The following SNRPA variants were observed in gnomAD, a reference collection of about 807,000 sequenced individuals.
SNRPA encodes the protein U1 small nuclear ribonucleoprotein A.
A neutral mutation model predicts 24.5 loss-of-function variants in SNRPA; 10 were observed. The observed-to-expected ratio is 0.41, with a 90% CI of 0.25 to 0.69. The LOEUF (loss-of-function observed/expected upper bound fraction) is 0.69, where lower values mean the gene tolerates loss of function less well. SNRPA is among the 30% of genes least tolerant of loss of function. SNRPA has a pLI of 0.33. For missense variants in SNRPA, 283 were observed against 394.7 expected (o/e 0.72, Z 2.40); for synonymous variants, 165 against 148.4 (o/e 1.11, Z -0.81).
At chr19:40,760,328 G>A (rs2082926269) in intron 3 of SNRPA, among the ~76,000 whole-genome samples, 1 of 152,174 alleles carries the variant, frequency 6.6e-6, no homozygotes, top group South Asian at 2.1e-4. Context: ...TTATATGCCA[G>A]TAACAGACCA....
intron 3 of SNRPA, among the ~76,000 whole-genome samples, chr19:40,762,151 C>G (rs1389737390): frequency 6.6e-6 from 1 of 152,116 alleles, no homozygotes; most frequent in Non-Finnish European, 1.5e-5. Flanking sequence ...TCCCTCTTCC[C>G]CTTGCTGCCA....
chr19:40,759,558 T>C lies in SNRPA; in HGVS notation c.374T>C (p.Val125Ala). The change falls in exon 3 of 6, where the codon GTG (valine) becomes GCG (alanine). Residue 125 changes from valine (V) to alanine (A), a missense_variant. Val to Ala is a moderately conservative substitution (Grantham distance 64, BLOSUM62 0). Coordinates refer to ENST00000243563, the MANE Select transcript of SNRPA (RefSeq NM_004596.5). The part of the protein sequence containing the change: ...SQETPATKKA[V>A]QGGGATPVVG... ...GAGACCCCGGCCACCAAGAAGGCTG[T>C]GCAAGGCGGGGGAGCCACCCCCGTG... is the stretch of plus-strand genomic sequence containing the variant. The C allele has an allele frequency of 6.2e-7, 1 of 1,612,920 alleles. No individual in the cohort carries two copies. Among genetic ancestry groups the C allele is most frequent in the Non-Finnish European group, 8.5e-7 (1 of 1,179,536 alleles).
chr19:40,751,304 G>T lies in SNRPA; in HGVS notation c.-105G>T. The T allele has an allele frequency of 1.2e-6, 1 of 862,760 alleles. No individual in the cohort carries two copies. Among genetic ancestry groups the T allele is most frequent in the Non-Finnish European group, 2.0e-6 (1 of 501,414 alleles). 53.4% of individuals were successfully genotyped at this position (862,760 alleles called of 1,614,324 possible). On this transcript the variant is annotated 5_prime_UTR_variant, in exon 1 of 6. Transcript: ENST00000243563. ...TCCCGCCTTACCTGACTTCCTTTTC[G>T]GAGGAAGATCCTTGAGCAGCCGACG... is the stretch of plus-strand genomic sequence containing the variant.
At chr19:40,759,024 A>G (rs2082919847) in intron 2 of SNRPA, among the ~76,000 whole-genome samples, 1 of 151,866 alleles carries the variant, frequency 6.6e-6, no homozygotes, top group Non-Finnish European at 1.5e-5. Context: ...CCTGGCCAAC[A>G]TGGTGAAACC....
intron 1 of SNRPA, 23 bp downstream of exon 1, chr19:40,751,504 A>T: frequency 1.3e-6 from 2 of 1,564,166 alleles, no homozygotes; most frequent in Non-Finnish European, 1.8e-6. Context: ...GATAGTCCGG[A>T]GTCCAGACTG....
At chr19:40,758,370 G>A (rs2082917350) in intron 2 of SNRPA, among the ~76,000 whole-genome samples, 1 of 152,128 alleles carries the variant, frequency 6.6e-6, no homozygotes, top group South Asian at 2.1e-4. Flanking sequence ...ATGGCGCCTG[G>A]CATCTGGCAG....
At position 40,763,602 on chromosome 19, in the gene SNRPA, C is replaced by T; in HGVS notation, c.616C>T (p.Pro206Ser). Reference protein sequence around the residue: ...PPAQPLSENPPNHILFLTNLP... With the variant: ...PPAQPLSENPSNHILFLTNLP... ...ACCCCCGCAGCTTTCTGAGAATCCA[C>T]CGAATCACATCTTGTTCCTCACCAA... is the stretch of plus-strand genomic sequence containing the variant. Residue 206 changes from proline (P) to serine (S), a missense_variant, in exon 5 of 6, where the codon CCG (proline) becomes TCG (serine). Around this residue, in one of 6 missense-constraint regions of SNRPA, gnomAD observed 51 missense variants for 110.3 expected, o/e 0.46. Coordinates refer to ENST00000243563, the MANE Select transcript of SNRPA (RefSeq NM_004596.5). 1 of 1,614,092 alleles carries T rather than the reference C, an allele frequency of 6.2e-7. No individual in the cohort carries two copies. Among genetic ancestry groups the T allele is most frequent in the Non-Finnish European group, 8.5e-7 (1 of 1,179,984 alleles).
At chr19:40,761,300 C>T (rs1295601071) in intron 3 of SNRPA, among the ~76,000 whole-genome samples, 1 of 151,738 alleles carries the variant, frequency 6.6e-6, no homozygotes, top group African/African-American at 2.4e-5. Flanking sequence ...ACTTTTTTTC[C>T]CCTAGTTCAT....
At chr19:40,751,859 GGACTGGGGCTTTC>G (rs1310118435) in intron 1 of SNRPA, among the ~76,000 whole-genome samples, 12 of 152,310 alleles carry the variant, frequency 7.9e-5, no homozygotes, top group Admixed American at 7.2e-4. Flanking sequence ...GTGAGGGCAA[GGACTGGGGCTTTC>G]TTGGTCACCG....
intron 2 of SNRPA, among the ~76,000 whole-genome samples, chr19:40,757,946 AAAAT>A (rs202048036): frequency 1.8e-4 from 27 of 149,582 alleles, no homozygotes; most frequent in East Asian, 1.8e-3. Context: ...TGTCTCAGAA[AAAAT>A]AAATAAATAA....
chr19:40,756,702 CG>C (rs1197479676), intron 1 of SNRPA, among the ~76,000 whole-genome samples: 1 of 151,642 alleles, frequency 6.6e-6, no homozygotes, highest in Non-Finnish European at 1.5e-5. Context: ...GACAAGTTAA[CG>C]TACCATGACA....
chr19:40,762,841 G>A, intron 3 of SNRPA, 60 bp from the exon 4 acceptor site: 1 of 1,554,176 alleles, frequency 6.4e-7, no homozygotes. Context: ...TTCCTTTCAT[G>A]GCCTCTTCTC....
At chr19:40,753,931 A>G (rs2145007058) in intron 1 of SNRPA, among the ~76,000 whole-genome samples, 1 of 151,012 alleles carries the variant, frequency 6.6e-6, no homozygotes, top group Non-Finnish European at 1.5e-5. Context: ...CCTCCCGAGT[A>G]GCTGGGACTA....
In SNRPA at chr19:40,751,350, A is replaced by G. The variant is rs2082857831; in HGVS notation, c.-59A>G. 7.6e-7 allele frequency: 1 copy of G among 1,321,516 alleles called. No individual in the cohort carries two copies. Among genetic ancestry groups the G allele is most frequent in the African/African-American group, 1.4e-5 (1 of 69,014 alleles). The allele number at this position is 1,321,516 out of a possible 1,614,324, so 81.9% of individuals were successfully genotyped here. A position where few individuals can be genotyped will look rare whatever the true frequency, so the allele number is the denominator to read the frequency against. ...CGACGTTGGGACAAAGGATTTGGAGAAACCCAGGGCTAAAGTCACGTTTTT... is the reference window on the plus strand; with the variant it reads ...CGACGTTGGGACAAAGGATTTGGAGGAACCCAGGGCTAAAGTCACGTTTTT... On this transcript the variant is annotated 5_prime_UTR_variant, in exon 1 of 6. Transcript: ENST00000243563.
intron 1 of SNRPA, among the ~76,000 whole-genome samples, chr19:40,755,347 G>A (rs1251219978): frequency 5.1e-5 from 7 of 136,792 alleles, no homozygotes; most frequent in South Asian, 2.2e-4. Flanking sequence ...CTGACCTCAC[G>A]TGATCTGCCT....
intron 3 of SNRPA, 95 bp downstream of exon 3, chr19:40,759,705 G>T: frequency 8.8e-7 from 1 of 1,131,616 alleles, no homozygotes; most frequent in Non-Finnish European, 1.2e-6. Flanking sequence ...TTCTCCCCTT[G>T]GGGCTTCAGA....
At chr19:40,757,970 T>TA (rs1599727912) in intron 2 of SNRPA, among the ~76,000 whole-genome samples, 1 of 150,918 alleles carries the variant, frequency 6.6e-6, no homozygotes, top group East Asian at 2.0e-4. Flanking sequence ...AATAAATAAA[T>TA]AAATAAATTA....
intron 4 of SNRPA, 47 bp downstream of exon 4, chr19:40,763,121 T>C: frequency 7.0e-7 from 1 of 1,429,178 alleles, no homozygotes; most frequent in Non-Finnish European, 9.5e-7. Context: ...ATAGTGAGAA[T>C]ACAGGACTAG....
intron 5 of SNRPA, 91 bp from the exon 6 acceptor site, chr19:40,764,917 G>A: frequency 1.6e-6 from 2 of 1,266,524 alleles, no homozygotes; most frequent in South Asian, 1.7e-5. Flanking sequence ...TGCATTGGAG[G>A]CTATTTGGCA....
Sources: allele counts gnomAD v4.1 joint callset (sites outside exome capture counted in the v4.1 genomes callset), GRCh38; gene constraint gnomAD v4.1.1; regional missense constraint gnomAD v4.1.1; transcripts MANE v1.5; gene names NCBI Gene and HGNC (gene_info 2026-07-23, HGNC 2026-07-21).